The following LMBR1 variants were observed in gnomAD, a reference collection of about 807,000 sequenced individuals.
LMBR1 encodes the protein limb development membrane protein 1.
LMBR1 carries 52 observed loss-of-function variants against 73.9 expected under a neutral mutation model. That is an observed-to-expected ratio of 0.70 (90% CI 0.56 to 0.89). The LOEUF (loss-of-function observed/expected upper bound fraction) is 0.89. LMBR1 is among the 40% of genes least tolerant of loss of function. The pLI is 0.00. For synonymous variants in LMBR1, 215 were observed against 209.4 expected (o/e 1.03, Z -0.23); for missense variants, 539 against 579.8 (o/e 0.93, Z 0.72).
intron 12 of LMBR1, among the ~76,000 whole-genome samples, chr7:156,727,332 A>G (rs529361917): frequency 6.6e-6 from 1 of 152,308 alleles, no homozygotes; most frequent in South Asian, 2.1e-4. Context: ...TGGGTACAAA[A>G]ATATACTATA....
intron 5 of LMBR1, among the ~76,000 whole-genome samples, chr7:156,785,236 C>T (rs1226869792): frequency 6.6e-6 from 1 of 152,038 alleles, no homozygotes; most frequent in Non-Finnish European, 1.5e-5. Context: ...AAGATTGCAC[C>T]ACTGCACTCC....
At chr7:156,858,243 G>A (rs942519455) in intron 1 of LMBR1, among the ~76,000 whole-genome samples, 1 of 151,780 alleles carries the variant, frequency 6.6e-6, no homozygotes, top group African/African-American at 2.4e-5. Context: ...ACATGAAAAT[G>A]AAAAAGGGGC....
chr7:156,686,940 G>A (rs1320723299), intron 16 of LMBR1, among the ~76,000 whole-genome samples: 1 of 152,224 alleles, frequency 6.6e-6, no homozygotes. Flanking sequence ...GTTATCTGGT[G>A]TGTCAGCTGA....
chr7:156,853,858 G>A (rs1387287227), intron 1 of LMBR1, among the ~76,000 whole-genome samples: 3 of 151,514 alleles, frequency 2.0e-5, no homozygotes, highest in Non-Finnish European at 4.4e-5. Flanking sequence ...GCTTCATCAT[G>A]TTGGCCAGGC....
Position 156,815,187 on chromosome 7 carries a change from C to T in LMBR1, c.319+11418G>A, listed in dbSNP as rs184646414. Among the ~76,000 whole-genome samples the T allele has an allele frequency of 9.3e-3, 1,167 of 125,098 alleles. 14 individuals carry two copies. The highest frequency in any genetic ancestry group is 0.012 in the Non-Finnish European group (710 of 58,250). 82.1% of individuals were successfully genotyped at this position (125,098 alleles called of 152,430 possible). ...AAAAAAAAAAAAAAGTACAAAAAAA[C>T]TGAAAAGTTCTGACATACACCAGCA... On this transcript the variant is annotated intron_variant, in intron 4 of 16. Transcript: ENST00000353442.
At chr7:156,821,631 A>G (rs1834813410) in intron 4 of LMBR1, among the ~76,000 whole-genome samples, 1 of 152,234 alleles carries the variant, frequency 6.6e-6, no homozygotes, top group Non-Finnish European at 1.5e-5. Flanking sequence ...GATGAGGTAC[A>G]TGAACAGACC....
At chr7:156,701,220 A>T (rs80223185) in intron 15 of LMBR1, among the ~76,000 whole-genome samples, 2,175 of 152,270 alleles carry the variant, frequency 0.014, 24 homozygotes, top group Non-Finnish European at 0.024. Context: ...CCCTTCCTAG[A>T]TATGCATCCA....
chr7:156,806,457 T>C (rs1320919372), intron 4 of LMBR1, among the ~76,000 whole-genome samples: 1 of 114,326 alleles, frequency 8.7e-6, no homozygotes, highest in Non-Finnish European at 1.9e-5. Flanking sequence ...CAGTGACTTA[T>C]TTTTTTTAAA....
At chr7:156,701,308 A>G (rs932223144) in intron 15 of LMBR1, among the ~76,000 whole-genome samples, 2 of 152,272 alleles carry the variant, frequency 1.3e-5, no homozygotes, top group Admixed American at 6.5e-5. Context: ...AGGTCTTCCA[A>G]TGGGTGAACA....
chr7:156,746,624 CAAAT>C (rs1241149308), intron 9 of LMBR1, among the ~76,000 whole-genome samples: 5 of 152,122 alleles, frequency 3.3e-5, no homozygotes, highest in Admixed American at 3.3e-4. Flanking sequence ...TTGTTGTCCT[CAAAT>C]AAATCATACT....
At chr7:156,845,743 G>A (rs924376341) in intron 1 of LMBR1, among the ~76,000 whole-genome samples, 1 of 151,146 alleles carries the variant, frequency 6.6e-6, no homozygotes, top group African/African-American at 2.4e-5. Flanking sequence ...TTGAACTCCT[G>A]GGCTCAAGTG....
At chr7:156,692,137 G>A (rs1229744127) in intron 15 of LMBR1, among the ~76,000 whole-genome samples, 7 of 152,016 alleles carry the variant, frequency 4.6e-5, no homozygotes, top group African/African-American at 7.2e-5. Flanking sequence ...GTGCAGCAGC[G>A]CGATCTCAGC....
chr7:156,685,090 A>G lies in LMBR1; in HGVS notation c.1388-927T>C, dbSNP rs1021999709. On this transcript the variant is annotated intron_variant, in intron 16 of 16. Coordinates refer to ENST00000353442, the MANE Select transcript of LMBR1 (RefSeq NM_022458.4). The surrounding 1 kb of genome is among the most constrained non-coding windows in gnomAD (Gnocchi z 4.1). The stretch of plus-strand genomic sequence containing the variant: ...AACATTACTAAAAAATAAAGAAATG[A>G]CAAAAGAATAAACTGAACATAAATA... 7.2e-5 allele frequency among the ~76,000 whole-genome samples: 11 copies of G among 152,240 alleles called. No homozygotes were observed. The highest frequency in any genetic ancestry group is 2.7e-4 in the African/African-American group (11 of 41,476).
intron 3 of LMBR1, among the ~76,000 whole-genome samples, chr7:156,830,859 C>T (rs939667536): frequency 1.3e-5 from 2 of 152,180 alleles, no homozygotes; most frequent in Non-Finnish European, 1.5e-5. Context: ...TGCCTGCTCC[C>T]GTGCCAGGAC....
At chr7:156,759,439 C>A (rs1822554685) in intron 8 of LMBR1, among the ~76,000 whole-genome samples, 2 of 152,282 alleles carry the variant, frequency 1.3e-5, no homozygotes, top group South Asian at 4.1e-4. Context: ...GATCTCTGAT[C>A]TTGTACAAGC....
intron 9 of LMBR1, chr7:156,736,378 T>C: frequency 2.7e-6 from 1 of 371,652 alleles, no homozygotes; most frequent in Non-Finnish European, 5.3e-6. Flanking sequence ...CATTATTTAG[T>C]ATAATAGCTG....
chr7:156,797,535 C>T (rs1321668068), intron 4 of LMBR1, among the ~76,000 whole-genome samples: 1 of 152,226 alleles, frequency 6.6e-6, no homozygotes, highest in African/African-American at 2.4e-5. Flanking sequence ...AGAAACACAA[C>T]CCCTCTGCTC....
chr7:156,720,362 T>C (rs1272467512), intron 15 of LMBR1, among the ~76,000 whole-genome samples: 4 of 152,230 alleles, frequency 2.6e-5, no homozygotes, highest in African/African-American at 9.6e-5. Context: ...AGTAGCTGAA[T>C]ATCAACAGGT....
intron 12 of LMBR1, among the ~76,000 whole-genome samples, chr7:156,726,907 C>T (rs1815891047): frequency 6.6e-6 from 1 of 151,930 alleles, no homozygotes; most frequent in African/African-American, 2.4e-5. Flanking sequence ...CTTGCTAAAT[C>T]CCCCCGGTTT....
Sources: allele counts gnomAD v4.1 joint callset (sites outside exome capture counted in the v4.1 genomes callset), GRCh38; gene constraint gnomAD v4.1.1; non-coding constraint Gnocchi (gnomAD v3.1); transcripts MANE v1.5; gene names NCBI Gene and HGNC (gene_info 2026-07-23, HGNC 2026-07-21).